Variants in FOXN3 observed in about 807,000 individuals in gnomAD.
FOXN3 encodes the protein forkhead box protein N3.
In FOXN3, 7 loss-of-function variants were observed where a neutral mutation model predicts 38.4. The observed-to-expected ratio is 0.18, with a 90% CI of 0.10 to 0.34. The LOEUF is 0.34. Among genes scored for constraint, FOXN3 ranks in the 10% least tolerant of loss-of-function variants. FOXN3 has a pLI of 1.00. For synonymous variants in FOXN3, 230 were observed against 242.2 expected, an observed-to-expected ratio of 0.95 and a Z score of 0.47; for missense variants, 456 against 613.4, an observed-to-expected ratio of 0.74 and a Z score of 2.71.
At chr14:89,190,340 G>A in intron 4 of FOXN3, 1 of 1,472,898 alleles carries the variant, frequency 6.8e-7, no homozygotes, top group South Asian at 1.2e-5. Context: ...AGAAGGTTAA[G>A]TTCACAAACT....
chr14:89,251,589 G>A (rs1885457847), intron 4 of FOXN3, among the ~76,000 whole-genome samples: 1 of 152,102 alleles, frequency 6.6e-6, no homozygotes, highest in South Asian at 2.1e-4. Flanking sequence ...TACTTTACTG[G>A]CATAGGAAAA....
intron 3 of FOXN3, chr14:89,290,241 G>A: frequency 3.1e-6 from 1 of 326,362 alleles, no homozygotes; most frequent in South Asian, 2.8e-5. Flanking sequence ...GTCTTGAACT[G>A]CTCAGGGACA....
intron 3 of FOXN3, among the ~76,000 whole-genome samples, chr14:89,295,518 T>C (rs1207661961): frequency 6.6e-6 from 1 of 152,176 alleles, no homozygotes; most frequent in Non-Finnish European, 1.5e-5. Flanking sequence ...TAAGTGATTC[T>C]GAAAAACAGC....
intron 1 of FOXN3, among the ~76,000 whole-genome samples, chr14:89,426,925 T>C (rs866084565): frequency 6.6e-6 from 1 of 151,646 alleles, no homozygotes; most frequent in Non-Finnish European, 1.5e-5. Flanking sequence ...GGAGACAAAA[T>C]TGTGACCGAG....
At chr14:89,276,675 T>C (rs1231882161) in intron 4 of FOXN3, among the ~76,000 whole-genome samples, 1 of 152,144 alleles carries the variant, frequency 6.6e-6, no homozygotes, top group Non-Finnish European at 1.5e-5. Context: ...AACCCAGGAC[T>C]GGACACACAG....
At chr14:89,423,063 G>C (rs552992950) in intron 1 of FOXN3, among the ~76,000 whole-genome samples, 1 of 152,306 alleles carries the variant, frequency 6.6e-6, no homozygotes, top group Non-Finnish European at 1.5e-5. Context: ...TCTATACCCA[G>C]TGAAGAGTGG....
rs929122455 is a variant in FOXN3 at position 89,164,404 on chromosome 14, A to G, written c.852-1435T>C. On this transcript the variant is annotated intron_variant, in intron 5 of 5. Transcript: ENST00000557258. This position sits in a 1 kb window ranked among gnomAD's most constrained non-coding sequence, Gnocchi z 4.3. ...TTCCTGTAAGCTCATCTACCTCGTG[A>G]TCCATTTCTAAGAGTTCTGGGGAAC... Among the ~76,000 whole-genome samples the G allele has an allele frequency of 3.9e-5, 6 of 152,222 alleles. No homozygotes were observed. The South Asian group carries it at 1.2e-3, about 32-fold the overall frequency.
intron 1 of FOXN3, among the ~76,000 whole-genome samples, chr14:89,495,315 T>C (rs986847167): frequency 6.6e-6 from 1 of 152,220 alleles, no homozygotes; most frequent in Non-Finnish European, 1.5e-5. Flanking sequence ...CTACTTTATT[T>C]GTGGGGATTA....
At chr14:89,360,563 G>GAGA (rs1555421070) in intron 2 of FOXN3, among the ~76,000 whole-genome samples, 5 of 139,914 alleles carry the variant, frequency 3.6e-5, no homozygotes, top group Non-Finnish European at 6.1e-5. Flanking sequence ...AAGGAGGTGA[G>GAGA]GAGAGAGAGA....
chr14:89,435,645 C>T (rs979482265), intron 1 of FOXN3, among the ~76,000 whole-genome samples: 1 of 152,112 alleles, frequency 6.6e-6, no homozygotes, highest in Non-Finnish European at 1.5e-5. Flanking sequence ...CCAACAGCTC[C>T]GTAAAAAGGG....
At chr14:89,332,922 C>A (rs900134226) in intron 3 of FOXN3, among the ~76,000 whole-genome samples, 2 of 152,070 alleles carry the variant, frequency 1.3e-5, no homozygotes, top group Admixed American at 6.6e-5. Flanking sequence ...GGGTAAAGAA[C>A]CTGAATAAAC....
At chr14:89,258,081 A>G (rs142576536) in intron 4 of FOXN3, among the ~76,000 whole-genome samples, 2 of 152,268 alleles carry the variant, frequency 1.3e-5, no homozygotes, top group African/African-American at 2.4e-5. Context: ...ACACACACAC[A>G]CGCACTAGAG....
chr14:89,593,800 G>A (rs142653450), intron 1 of FOXN3, among the ~76,000 whole-genome samples: 1 of 152,236 alleles, frequency 6.6e-6, no homozygotes, highest in Admixed American at 6.5e-5. Flanking sequence ...GTAGAGATGG[G>A]GTTTCCATGT....
intron 3 of FOXN3, among the ~76,000 whole-genome samples, chr14:89,313,555 T>TCA (rs1566953827): frequency 3.7e-5 from 5 of 135,350 alleles, no homozygotes; most frequent in African/African-American, 1.1e-4. Flanking sequence ...AGATGCTGTC[T>TCA]TAAAAAAAAA....
intron 2 of FOXN3, among the ~76,000 whole-genome samples, chr14:89,381,732 C>T (rs1341651142): frequency 1.3e-5 from 2 of 151,736 alleles, no homozygotes; most frequent in African/African-American, 4.8e-5. Flanking sequence ...TGATGGTGCG[C>T]ACCTGTGGTC....
intron 1 of FOXN3, among the ~76,000 whole-genome samples, chr14:89,461,535 A>C (rs1326390157): frequency 6.6e-6 from 1 of 152,210 alleles, no homozygotes; most frequent in Non-Finnish European, 1.5e-5. Context: ...ATGAACTAAC[A>C]AAGAAAGCAT....
chr14:89,231,172 T>A (rs1041091653), intron 4 of FOXN3, among the ~76,000 whole-genome samples: 1 of 151,948 alleles, frequency 6.6e-6, no homozygotes, highest in African/African-American at 2.4e-5. Context: ...ATTTTCCTTA[T>A]CCCAAACTGC....
intron 1 of FOXN3, among the ~76,000 whole-genome samples, chr14:89,457,940 G>A (rs980671186): frequency 1.3e-5 from 2 of 151,862 alleles, no homozygotes; most frequent in African/African-American, 4.8e-5. Context: ...CTTGAACCTG[G>A]GAGGTGGAGG....
At chr14:89,563,805 C>T (rs1895295558) in intron 1 of FOXN3, among the ~76,000 whole-genome samples, 1 of 152,038 alleles carries the variant, frequency 6.6e-6, no homozygotes, top group African/African-American at 2.4e-5. Flanking sequence ...CAGATTTTGC[C>T]CAGCATGATA....
Sources: gnomAD v4.1 joint callset for allele counts (sites outside exome capture counted in the v4.1 genomes callset) on GRCh38, gnomAD v4.1.1 for gene constraint, Gnocchi (gnomAD v3.1) non-coding constraint, MANE v1.5 for transcripts, NCBI Gene and HGNC (gene_info 2026-07-23, HGNC 2026-07-21) for gene names.